Variants in NRIP1 observed in about 807,000 individuals in gnomAD.
NRIP1 encodes nuclear receptor interacting protein 1, also known as nuclear receptor-interacting protein 1.
In NRIP1, 28 loss-of-function variants were observed where a neutral mutation model predicts 75.0. That is an observed-to-expected ratio of 0.37 (90% confidence interval 0.28 to 0.51). NRIP1 has a LOEUF of 0.51. NRIP1 is among the 20% of genes least tolerant of loss of function. NRIP1 has a pLI of 0.92. For missense variants in NRIP1, 1,435 were observed against 1,343.7 expected (o/e 1.07, Z -1.06); for synonymous variants, 526 against 487.6 (o/e 1.08, Z -1.04).
At position 15,061,787 on chromosome 21, in the gene NRIP1, C is replaced by T. The variant is rs77696344; in HGVS notation, c.-538+2958G>A. Among the ~76,000 whole-genome samples the T allele has an allele frequency of 0.012, 1,846 of 152,278 alleles. 204 individuals carry two copies. The East Asian group carries it at 0.26, about 21-fold the overall frequency. ...GCCAAATTCCTTTAACCTCATATATCCTAAGCCACTCTGATTTAAAATTAC... is the reference window on the plus strand; with the variant it reads ...GCCAAATTCCTTTAACCTCATATATTCTAAGCCACTCTGATTTAAAATTAC... On this transcript the variant is annotated intron_variant, in intron 1 of 3. Transcript: ENST00000318948.
intron 1 of NRIP1, chr21:15,051,428 A>C (rs2089200372): frequency 1.3e-5 from 2 of 154,590 alleles, no homozygotes; most frequent in South Asian, 2.0e-4. Flanking sequence ...AGTGTTGCTC[A>C]GATAACACTC....
At chr21:15,011,455 C>CT (rs1286966780) in intron 3 of NRIP1, among the ~76,000 whole-genome samples, 1 of 152,166 alleles carries the variant, frequency 6.6e-6, no homozygotes, top group Admixed American at 6.5e-5. Context: ...TCTCAAAGTG[C>CT]TGGGATTGCA....
intron 3 of NRIP1, among the ~76,000 whole-genome samples, chr21:14,989,251 T>C (rs2087500444): frequency 6.6e-6 from 1 of 152,192 alleles, no homozygotes; most frequent in South Asian, 2.1e-4. Context: ...AAGAGCAACA[T>C]GTGGCTCTGA....
rs2088177445 is a variant in NRIP1, at chr21:15,014,386, A to G, written c.-377T>C. ...TGAGCCTCTGCTTTCTGAGAAAGAA[A>G]ATTGAGAAGGCTGTTGAAAAGTAGC... On this transcript the variant is annotated 5_prime_UTR_variant, in exon 3 of 4. Coordinates refer to ENST00000318948, the MANE Select transcript of NRIP1 (RefSeq NM_003489.4). 3 of 398,344 alleles carry G rather than the reference A, an allele frequency of 7.5e-6. No homozygotes were observed. In the East Asian group the frequency reaches 1.1e-4, roughly 14 times the overall value. 24.7% of individuals were successfully genotyped at this position (398,344 alleles called of 1,614,324 possible).
At chr21:14,993,105 A>C (rs903770852) in intron 3 of NRIP1, among the ~76,000 whole-genome samples, 2 of 152,188 alleles carry the variant, frequency 1.3e-5, no homozygotes, top group Non-Finnish European at 2.9e-5. Flanking sequence ...CATGAAAGGC[A>C]CTTCTACAAT....
At chr21:14,978,310 A>G (rs1298982759) in intron 3 of NRIP1, among the ~76,000 whole-genome samples, 1 of 152,186 alleles carries the variant, frequency 6.6e-6, no homozygotes, top group African/African-American at 2.4e-5. Context: ...GAAAGATGAT[A>G]TGCTGTCATA....
chr21:15,039,284 A>T (rs1419715040), intron 2 of NRIP1, among the ~76,000 whole-genome samples: 1 of 152,136 alleles, frequency 6.6e-6, no homozygotes, highest in African/African-American at 2.4e-5. Flanking sequence ...GGGTAGGGCT[A>T]TAAAACAACC....
rs535802626 is a variant in NRIP1, at chr21:15,056,244, T to C, written c.-538+8501A>G. 2.7e-5 allele frequency among the ~76,000 whole-genome samples: 4 copies of C among 147,200 alleles called. No homozygotes were observed. The East Asian group carries it at 6.0e-4, about 22-fold the overall frequency. The stretch of plus-strand genomic sequence containing the variant: ...CAACCTGAAAAATCTAACGATTCTA[T>C]GAAATAACTTCAATTTGTGAAAGCC... On this transcript the variant is annotated intron_variant, in intron 1 of 3. Transcript: ENST00000318948.
At chr21:15,030,801 T>C (rs947836939) in intron 2 of NRIP1, among the ~76,000 whole-genome samples, 4 of 152,206 alleles carry the variant, frequency 2.6e-5, no homozygotes, top group African/African-American at 9.7e-5. Context: ...TTAAAATAGA[T>C]CACGACATTC....
intron 1 of NRIP1, chr21:15,050,290 C>A: frequency 5.8e-6 from 1 of 173,654 alleles, no homozygotes; most frequent in Non-Finnish European, 1.2e-5. Flanking sequence ...TACTTAAACT[C>A]AAACCTCAGG....
chr21:14,979,844 C>T (rs73170294), intron 3 of NRIP1, among the ~76,000 whole-genome samples: 2 of 151,846 alleles, frequency 1.3e-5, no homozygotes, highest in Non-Finnish European at 2.9e-5. Context: ...GTTTGTGTGC[C>T]TGTATATATA....
chr21:15,020,906 A>T lies in NRIP1; in HGVS notation c.-457-6440T>A, dbSNP rs150138479. 4.5e-3 allele frequency among the ~76,000 whole-genome samples: 685 copies of T among 152,194 alleles called. 11 individuals are homozygous for T. The highest frequency in any genetic ancestry group is 0.015 in the African/African-American group (632 of 41,540). On this transcript the variant is annotated intron_variant, in intron 2 of 3. Transcript: ENST00000318948. Reference sequence around the variant, plus strand: ...AAAAAAAAAAGACTGAAAAAACTCAAAGGTTGGGGAGGACAGGAAGAAACT... The same window carrying T: ...AAAAAAAAAAGACTGAAAAAACTCATAGGTTGGGGAGGACAGGAAGAAACT...
rs1384668554 is a variant in NRIP1, at chr21:14,966,173, G to A, written c.2020C>T (p.Leu674Phe). Reference sequence around the variant, plus strand: ...TCAACTGCATTTGTTTTATTTGAGAGCAAAGGGCTATTTAATCTATCAATC... The same window carrying A: ...TCAACTGCATTTGTTTTATTTGAGAACAAAGGGCTATTTAATCTATCAATC... Reference protein sequence around the residue: ...GMIDRLNSPLLSNKTNAVEEN... With the variant: ...GMIDRLNSPLFSNKTNAVEEN... The change falls in exon 4 of 4, where the codon CTC becomes TTC. Residue 674 changes from leucine to phenylalanine, a missense_variant. Coordinates refer to ENST00000318948, the MANE Select transcript of NRIP1 (RefSeq NM_003489.4). 2.5e-6 allele frequency: 4 copies of A among 1,613,496 alleles called. No homozygotes were observed. The highest frequency in any genetic ancestry group is 2.5e-6 in the Non-Finnish European group (3 of 1,179,892).
chr21:14,988,659 A>C (rs760490119), intron 3 of NRIP1, among the ~76,000 whole-genome samples: 5 of 152,140 alleles, frequency 3.3e-5, no homozygotes, highest in Non-Finnish European at 7.3e-5. Flanking sequence ...TCATATACAA[A>C]AGATGCATAT....
At chr21:15,030,116 A>C (rs1255625564) in intron 2 of NRIP1, among the ~76,000 whole-genome samples, 1 of 152,238 alleles carries the variant, frequency 6.6e-6, no homozygotes, top group Non-Finnish European at 1.5e-5. Context: ...GAAGTTGACA[A>C]GGAAATGTGG....
intron 3 of NRIP1, among the ~76,000 whole-genome samples, chr21:14,991,634 T>C (rs994224565): frequency 2.0e-5 from 3 of 152,118 alleles, no homozygotes; most frequent in African/African-American, 7.2e-5. Flanking sequence ...GACTTGTAAG[T>C]GTCACTCCAG....
At chr21:14,975,979 A>G (rs1375997684) in intron 3 of NRIP1, among the ~76,000 whole-genome samples, 1 of 152,184 alleles carries the variant, frequency 6.6e-6, no homozygotes, top group Non-Finnish European at 1.5e-5. Flanking sequence ...CACATTCATT[A>G]AAACTTCAAA....
chr21:14,976,786 G>C (rs996193097), intron 3 of NRIP1, among the ~76,000 whole-genome samples: 1 of 152,028 alleles, frequency 6.6e-6, no homozygotes, highest in Non-Finnish European at 1.5e-5. Context: ...TAATGACAAC[G>C]GTCTTTCTCC....
At chr21:15,016,727 A>G (rs899064933) in intron 2 of NRIP1, among the ~76,000 whole-genome samples, 10 of 152,048 alleles carry the variant, frequency 6.6e-5, no homozygotes, top group African/African-American at 2.4e-4. Flanking sequence ...TACTAAAAAT[A>G]TAAAAAAATT....
Sources: gnomAD v4.1 joint callset for allele counts (sites outside exome capture counted in the v4.1 genomes callset) on GRCh38, gnomAD v4.1.1 for gene constraint, MANE v1.5 for transcripts, NCBI Gene and HGNC (gene_info 2026-07-23, HGNC 2026-07-21) for gene names.